The following FBXL13 variants were observed in gnomAD, a reference collection of about 807,000 sequenced individuals.
FBXL13 encodes F-box and leucine-rich repeat protein 13.
FBXL13 carries 67 observed loss-of-function variants against 83.6 expected under a neutral mutation model. The observed-to-expected ratio is 0.80, with a 90% confidence interval of 0.66 to 0.98. The LOEUF is 0.98. Ranked by LOEUF, FBXL13 falls within the 50% of genes least tolerant of loss-of-function variation. The probability of loss-of-function intolerance (pLI) is 0.00; values close to 1 mark genes in which losing one functional copy is unlikely to be tolerated. For missense variants in FBXL13, 822 were observed against 866.5 expected (o/e 0.95, Z 0.64); for synonymous variants, 272 against 299.5 (o/e 0.91, Z 0.95).
intron 6 of FBXL13, among the ~76,000 whole-genome samples, chr7:103,024,848 TATA>T (rs1482210139): frequency 6.4e-5 from 7 of 109,612 alleles, no homozygotes; most frequent in African/African-American, 2.5e-4. Flanking sequence ...TATATATATA[TATA>T]TATATATTTT....
Position 102,926,262 on chromosome 7 carries a change from C to A in FBXL13, c.878+12G>T. 6.2e-7 allele frequency: 1 copy of A among 1,609,950 alleles called. No homozygotes were observed. Among genetic ancestry groups the A allele is most frequent in the Admixed American group, 1.7e-5 (1 of 59,466 alleles). ...ATTTTTTTCAGTGTCATACAAATAA[C>A]ACAAACATTACCTCGGCAGGAGTCG... On this transcript the variant is annotated intron_variant, in intron 10 of 19. Coordinates refer to ENST00000313221, the Ensembl canonical transcript of FBXL13.
At chr7:102,955,521 G>A (rs1824108309) in intron 8 of FBXL13, among the ~76,000 whole-genome samples, 1 of 149,210 alleles carries the variant, frequency 6.7e-6, no homozygotes, top group African/African-American at 2.5e-5. Context: ...CAGAAGGCAA[G>A]AAATAACTAA....
chr7:102,904,153 T>C (rs1813391180), intron 11 of FBXL13, among the ~76,000 whole-genome samples: 1 of 151,932 alleles, frequency 6.6e-6, no homozygotes, highest in South Asian at 2.1e-4. Context: ...AGACTTTTTA[T>C]TACAGCTTCA....
At chr7:102,930,398 G>A (rs1024098516) in intron 9 of FBXL13, among the ~76,000 whole-genome samples, 2 of 152,016 alleles carry the variant, frequency 1.3e-5, no homozygotes, top group African/African-American at 4.8e-5. Context: ...CCCTGCCCCT[G>A]TTTTCCTTCT....
intron 8 of FBXL13, among the ~76,000 whole-genome samples, chr7:102,953,470 A>G (rs938487174): frequency 1.3e-5 from 2 of 152,188 alleles, no homozygotes; most frequent in African/African-American, 4.8e-5. Context: ...ACCCTTTTAT[A>G]ATAAGAACAC....
chr7:102,832,702 G>T, intron 18 of FBXL13, 138 bp downstream of exon 19: 1 of 1,054,316 alleles, frequency 9.5e-7, no homozygotes, highest in Non-Finnish European at 1.3e-6. Context: ...CCAATTTGAG[G>T]ATAGAAGAAA....
chr7:102,825,874 G>A (rs1799537990), intron 18 of FBXL13, among the ~76,000 whole-genome samples: 1 of 152,130 alleles, frequency 6.6e-6, no homozygotes, highest in African/African-American at 2.4e-5. Flanking sequence ...GTGACCATAG[G>A]CAAGTTGCTT....
chr7:102,944,047 G>A (rs1421568434), intron 8 of FBXL13, among the ~76,000 whole-genome samples: 1 of 152,094 alleles, frequency 6.6e-6, no homozygotes, highest in East Asian at 1.9e-4. Flanking sequence ...ATAGTTAAAA[G>A]TTTTCTAAAG....
chr7:102,855,563 A>C (rs1805916153), intron 16 of FBXL13, among the ~76,000 whole-genome samples: 1 of 152,128 alleles, frequency 6.6e-6, no homozygotes, highest in African/African-American at 2.4e-5. Context: ...TTTTTCAATC[A>C]GGATCACATT....
chr7:103,057,315 C>G (rs1250416477), intron 1 of FBXL13, among the ~76,000 whole-genome samples: 1 of 151,980 alleles, frequency 6.6e-6, no homozygotes, highest in African/African-American at 2.4e-5. Context: ...GTTTGCATTA[C>G]TTGAGGAGTA....
chr7:102,827,145 T>G (rs556952491), intron 18 of FBXL13: 1 of 455,220 alleles, frequency 2.2e-6, no homozygotes, highest in East Asian at 7.0e-5. Context: ...GCCTTGCAGC[T>G]TCTACCTTTA....
chr7:103,009,018 A>G (rs1791293334), intron 6 of FBXL13, among the ~76,000 whole-genome samples: 1 of 152,214 alleles, frequency 6.6e-6, no homozygotes, highest in Admixed American at 6.5e-5. Flanking sequence ...ATTTGAAGAC[A>G]GTCCATGGTA....
At chr7:102,858,977 T>A (rs1806418462) in intron 16 of FBXL13, among the ~76,000 whole-genome samples, 1 of 152,296 alleles carries the variant, frequency 6.6e-6, no homozygotes, top group Admixed American at 6.5e-5. Context: ...ATACTTTAAA[T>A]TGGTGAGTTT....
chr7:103,042,670 T>C (rs1400889818), intron 2 of FBXL13, among the ~76,000 whole-genome samples: 1 of 152,006 alleles, frequency 6.6e-6, no homozygotes. Context: ...ACACAACACA[T>C]CTACAACCAT....
intron 8 of FBXL13, chr7:102,933,957 C>A: frequency 6.2e-7 from 1 of 1,613,318 alleles, no homozygotes; most frequent in Non-Finnish European, 8.5e-7. Flanking sequence ...TTTTGCAAAG[C>A]GGCTGAGCTG....
intron 6 of FBXL13, among the ~76,000 whole-genome samples, chr7:103,006,424 A>G (rs1398666754): frequency 6.6e-6 from 1 of 152,214 alleles, no homozygotes; most frequent in Non-Finnish European, 1.5e-5. Context: ...CAGGATTGAG[A>G]AATTTATAAG....
At chr7:102,865,714 GTTT>G (rs1004085694) in intron 16 of FBXL13, among the ~76,000 whole-genome samples, 17 of 143,098 alleles carry the variant, frequency 1.2e-4, no homozygotes, top group Non-Finnish European at 2.0e-4. Context: ...GCTAATTTTT[GTTT>G]TTTTTTTTAG....
chr7:103,053,419 C>G (rs1287599047), intron 2 of FBXL13, among the ~76,000 whole-genome samples: 1 of 152,320 alleles, frequency 6.6e-6, no homozygotes, highest in East Asian at 1.9e-4. Flanking sequence ...TCCCAAAGTG[C>G]TGGAATTACA....
At chr7:102,922,769 G>A (rs1439031038) in intron 10 of FBXL13, among the ~76,000 whole-genome samples, 2 of 151,768 alleles carry the variant, frequency 1.3e-5, no homozygotes, top group Admixed American at 6.6e-5. Flanking sequence ...TCAGGAGATC[G>A]AGACCATCCT....
Sources: gnomAD v4.1 joint callset for allele counts (sites outside exome capture counted in the v4.1 genomes callset) on GRCh38, gnomAD v4.1.1 for gene constraint, MANE v1.5 for transcripts, NCBI Gene and HGNC (gene_info 2026-07-23, HGNC 2026-07-21) for gene names.